The following CCBE1 variants were observed in gnomAD, a reference collection of about 807,000 sequenced individuals.
CCBE1 encodes the protein collagen and calcium binding EGF domains 1.
A neutral mutation model predicts 50.0 loss-of-function variants in CCBE1; 37 were observed. That is an observed-to-expected ratio of 0.74 (90% confidence interval 0.57 to 0.97). The LOEUF is 0.97. Ranked by LOEUF, CCBE1 falls within the 50% of genes least tolerant of loss-of-function variation. CCBE1 has a pLI of 0.00. For synonymous variants in CCBE1, 234 were observed against 203.7 expected, an observed-to-expected ratio of 1.15 and a Z score of -1.27; for missense variants, 538 against 523.8, an observed-to-expected ratio of 1.03 and a Z score of -0.26.
chr18:59,439,228 C>T lies in CCBE1; in HGVS notation c.951+315G>A, dbSNP rs546977136. Among the ~76,000 whole-genome samples, 377 of 151,970 alleles carry T rather than the reference C, an allele frequency of 2.5e-3. 1 individual carries two copies. Among genetic ancestry groups the T allele is most frequent in the African/African-American group, 8.5e-3 (353 of 41,452 alleles). ...CGTGAACTCGGGAGGTGGAGCTTGC[C>T]GTGAGCTGAGATCGTGCCACTGCAC... is the stretch of plus-strand genomic sequence containing the variant. On this transcript the variant is annotated intron_variant, in intron 9 of 10. Transcript: ENST00000439986.
intron 2 of CCBE1, among the ~76,000 whole-genome samples, chr18:59,631,463 A>G (rs2053847351): frequency 6.6e-6 from 1 of 152,160 alleles, no homozygotes. Flanking sequence ...AGAGGACAAC[A>G]TAGTATTGGG....
chr18:59,473,051 T>A, intron 3 of CCBE1, among the ~76,000 whole-genome samples: 1 of 152,180 alleles, frequency 6.6e-6, no homozygotes, highest in Non-Finnish European at 1.5e-5. Flanking sequence ...TACAGTTCGA[T>A]GTGAGATTTG....
intron 2 of CCBE1, among the ~76,000 whole-genome samples, chr18:59,490,679 C>T (rs1913057789): frequency 6.6e-6 from 1 of 152,204 alleles, no homozygotes; most frequent in African/African-American, 2.4e-5. Flanking sequence ...TTGTGACCAG[C>T]TATGTTTTAA....
At chr18:59,627,038 C>G (rs1173184556) in intron 2 of CCBE1, among the ~76,000 whole-genome samples, 1 of 152,202 alleles carries the variant, frequency 6.6e-6, no homozygotes, top group Non-Finnish European at 1.5e-5. Flanking sequence ...TGATCCTGTT[C>G]TAGAGCTCAG....
intron 2 of CCBE1, among the ~76,000 whole-genome samples, chr18:59,625,124 A>C (rs1284763438): frequency 6.6e-6 from 1 of 152,220 alleles, no homozygotes; most frequent in East Asian, 1.9e-4. Flanking sequence ...TAAGGTCAAC[A>C]CAGTGGTATA....
chr18:59,586,974 A>C (rs1178882222), intron 2 of CCBE1, among the ~76,000 whole-genome samples: 2 of 152,198 alleles, frequency 1.3e-5, no homozygotes. Context: ...GGCAGATATG[A>C]AACAGAATGA....
At chr18:59,456,958 T>C (rs988672674) in intron 5 of CCBE1, among the ~76,000 whole-genome samples, 4 of 152,254 alleles carry the variant, frequency 2.6e-5, no homozygotes, top group Non-Finnish European at 5.9e-5. Context: ...CCGAGCTAGG[T>C]ACACATTTCT....
At chr18:59,447,227 A>T (rs543585112) in intron 7 of CCBE1, among the ~76,000 whole-genome samples, 2 of 152,224 alleles carry the variant, frequency 1.3e-5, no homozygotes, top group Non-Finnish European at 2.9e-5. Context: ...ATGTGTGTGT[A>T]TATATGTGTA....
intron 2 of CCBE1, among the ~76,000 whole-genome samples, chr18:59,503,113 G>A (rs1174694430): frequency 6.6e-6 from 1 of 152,238 alleles, no homozygotes; most frequent in Non-Finnish European, 1.5e-5. Flanking sequence ...CTGTGATGCA[G>A]ATGTGACACA....
intron 2 of CCBE1, among the ~76,000 whole-genome samples, chr18:59,634,875 G>A (rs764971749): frequency 7.2e-5 from 11 of 152,082 alleles, no homozygotes; most frequent in Non-Finnish European, 1.5e-4. Context: ...TCAGTACACA[G>A]CACAAAGAGG....
At chr18:59,517,968 C>T (rs533027013) in intron 2 of CCBE1, among the ~76,000 whole-genome samples, 72 of 152,172 alleles carry the variant, frequency 4.7e-4, no homozygotes, top group Non-Finnish European at 8.1e-4. Flanking sequence ...TCTCCTATGT[C>T]ACTGTCCGTG....
intron 3 of CCBE1, among the ~76,000 whole-genome samples, chr18:59,471,559 T>G (rs1287723773): frequency 1.3e-5 from 2 of 152,258 alleles, no homozygotes; most frequent in African/African-American, 4.8e-5. Context: ...AAGACCTTTT[T>G]GTCTTCTTTG....
At chr18:59,643,479 GT>G (rs1161390184) in intron 2 of CCBE1, among the ~76,000 whole-genome samples, 2 of 152,122 alleles carry the variant, frequency 1.3e-5, no homozygotes, top group Admixed American at 6.6e-5. Flanking sequence ...TGTTCAAGTG[GT>G]TTAGGGAAAT....
At chr18:59,488,266 T>C (rs566011911) in intron 2 of CCBE1, among the ~76,000 whole-genome samples, 137 of 152,100 alleles carry the variant, frequency 9.0e-4, no homozygotes, top group Non-Finnish European at 1.7e-3. Flanking sequence ...AGACGGATGG[T>C]GGTGATGGAT....
In CCBE1 at chr18:59,578,894, C is replaced by T. The variant is rs1006967835; in HGVS notation, c.213-98656G>A. 3.0e-4 allele frequency among the ~76,000 whole-genome samples: 46 copies of T among 152,132 alleles called. 2 individuals carry two copies. Among genetic ancestry groups the T allele is most frequent in the Admixed American group, 2.6e-4 (4 of 15,270 alleles). On this transcript the variant is annotated intron_variant, in intron 2 of 10. Coordinates refer to ENST00000439986, the MANE Select transcript of CCBE1 (RefSeq NM_133459.4). ...AGCAAACCACCATGGCACGAGTTTA[C>T]CTATGTAACGAACCTGCACATTCTG...
chr18:59,603,243 A>C (rs1283999081), intron 2 of CCBE1, among the ~76,000 whole-genome samples: 1 of 152,220 alleles, frequency 6.6e-6, no homozygotes, highest in Non-Finnish European at 1.5e-5. Flanking sequence ...TAGAGCATAG[A>C]ATTTGGCCCC....
At chr18:59,668,530 T>G (rs2054387478) in intron 2 of CCBE1, among the ~76,000 whole-genome samples, 1 of 152,116 alleles carries the variant, frequency 6.6e-6, no homozygotes, top group South Asian at 2.1e-4. Flanking sequence ...CATAAGCATA[T>G]TTTCATCTCA....
At chr18:59,509,464 T>C (rs1044107217) in intron 2 of CCBE1, among the ~76,000 whole-genome samples, 1 of 152,210 alleles carries the variant, frequency 6.6e-6, no homozygotes, top group African/African-American at 2.4e-5. Context: ...TTATTCTGAT[T>C]GTTGTGCATT....
intron 2 of CCBE1, among the ~76,000 whole-genome samples, chr18:59,617,765 T>G (rs1291197548): frequency 6.6e-6 from 1 of 152,212 alleles, no homozygotes; most frequent in Non-Finnish European, 1.5e-5. Flanking sequence ...AGACAATTCT[T>G]CTCTGACTCT....
Sources: gnomAD v4.1 joint callset for allele counts (sites outside exome capture counted in the v4.1 genomes callset) on GRCh38, gnomAD v4.1.1 for gene constraint, MANE v1.5 for transcripts, NCBI Gene and HGNC (gene_info 2026-07-23, HGNC 2026-07-21) for gene names.